Variants in CTNNA2 observed in about 807,000 individuals in gnomAD.
CTNNA2 encodes the protein catenin alpha-2.
A neutral mutation model predicts 101.0 loss-of-function variants in CTNNA2; 42 were observed. That is an observed-to-expected ratio of 0.42 (90% CI 0.32 to 0.54). The LOEUF is 0.54. CTNNA2 is among the 20% of genes least tolerant of loss of function. The pLI is 0.14. For synonymous variants in CTNNA2, 450 were observed against 456.4 expected (o/e 0.99, Z 0.18); for missense variants, 871 against 1,223.1 (o/e 0.71, Z 4.29).
chr2:79,433,069 G>C (rs1240538764), intron 4 of CTNNA2, among the ~76,000 whole-genome samples: 2 of 152,156 alleles, frequency 1.3e-5, no homozygotes, highest in South Asian at 2.1e-4. Context: ...TGGTGCGAGG[G>C]AAATGAAGCC....
chr2:79,416,262 T>C (rs1174166365), intron 4 of CTNNA2, among the ~76,000 whole-genome samples: 4 of 137,400 alleles, frequency 2.9e-5, no homozygotes, highest in Non-Finnish European at 3.1e-5. Context: ...CTTTTCTTTT[T>C]TTTTTTTTTT....
At chr2:80,136,552 A>G (rs572757446) in intron 7 of CTNNA2, among the ~76,000 whole-genome samples, 5 of 152,110 alleles carry the variant, frequency 3.3e-5, no homozygotes, top group South Asian at 4.2e-4. Flanking sequence ...CCTCACAACT[A>G]TAGTTCTTTT....
At chr2:79,671,235 A>G (rs1682815947) in intron 2 of CTNNA2, among the ~76,000 whole-genome samples, 1 of 150,596 alleles carries the variant, frequency 6.6e-6, no homozygotes, top group Non-Finnish European at 1.5e-5. Flanking sequence ...AAGAAATGCT[A>G]CAGTAAGCCA....
intron 7 of CTNNA2, among the ~76,000 whole-genome samples, chr2:80,131,183 A>G (rs1324088454): frequency 1.3e-5 from 2 of 152,186 alleles, no homozygotes; most frequent in East Asian, 3.9e-4. Flanking sequence ...CTCAGCCTCC[A>G]GAGTAGCCAG....
At chr2:79,680,233 T>A (rs1014823928) in intron 2 of CTNNA2, among the ~76,000 whole-genome samples, 1 of 152,108 alleles carries the variant, frequency 6.6e-6, no homozygotes, top group Non-Finnish European at 1.5e-5. Context: ...TCCCTTAGGA[T>A]ATCCCTCCTT....
chr2:80,318,659 A>C (rs909365230), intron 7 of CTNNA2, among the ~76,000 whole-genome samples: 1 of 152,144 alleles, frequency 6.6e-6, no homozygotes, highest in Non-Finnish European at 1.5e-5. Context: ...TAACTTATTT[A>C]TGTGGTGGGT....
At chr2:80,086,511 T>C (rs1011449823) in intron 7 of CTNNA2, among the ~76,000 whole-genome samples, 1 of 151,980 alleles carries the variant, frequency 6.6e-6, no homozygotes, top group African/African-American at 2.4e-5. Flanking sequence ...TTGTGATATG[T>C]GGAATCAAAA....
At chr2:79,253,611 G>T (rs769549613) in intron 2 of CTNNA2, among the ~76,000 whole-genome samples, 4 of 151,420 alleles carry the variant, frequency 2.6e-5, no homozygotes, top group Non-Finnish European at 5.9e-5. Flanking sequence ...GACATTGGTT[G>T]CCCAAGGGGC....
At chr2:79,722,517 G>T (rs1248621815) in intron 2 of CTNNA2, among the ~76,000 whole-genome samples, 1 of 152,098 alleles carries the variant, frequency 6.6e-6, no homozygotes, top group African/African-American at 2.4e-5. Context: ...GATCTCACAG[G>T]ATCTCTGATA....
chr2:79,474,236 T>C (rs1474981983), intron 4 of CTNNA2, among the ~76,000 whole-genome samples: 1 of 152,036 alleles, frequency 6.6e-6, no homozygotes, highest in Non-Finnish European at 1.5e-5. Context: ...GGGAAAAAAA[T>C]GGAAACAACC....
At chr2:80,356,028 G>A (rs1204697581) in intron 7 of CTNNA2, among the ~76,000 whole-genome samples, 1 of 151,688 alleles carries the variant, frequency 6.6e-6, no homozygotes, top group Non-Finnish European at 1.5e-5. Flanking sequence ...TTTATCCTTG[G>A]CAACTCTGTT....
chr2:79,718,357 A>C (rs2104847524), intron 2 of CTNNA2, among the ~76,000 whole-genome samples: 1 of 152,354 alleles, frequency 6.6e-6, no homozygotes, highest in South Asian at 2.1e-4. Flanking sequence ...TGCTTAGCAT[A>C]AAATTTGACA....
At chr2:79,962,881 G>C (rs1243042723) in intron 7 of CTNNA2, among the ~76,000 whole-genome samples, 1 of 151,916 alleles carries the variant, frequency 6.6e-6, no homozygotes. Context: ...ACCATCCTGG[G>C]TAACATGGTG....
intron 9 of CTNNA2, among the ~76,000 whole-genome samples, chr2:80,535,421 C>T (rs1017807730): frequency 1.3e-5 from 2 of 152,108 alleles, no homozygotes; most frequent in Non-Finnish European, 2.9e-5. Context: ...CAAGTCATTA[C>T]TGGGTGCTGG....
intron 4 of CTNNA2, among the ~76,000 whole-genome samples, chr2:79,380,592 T>G (rs892125315): frequency 6.6e-6 from 1 of 152,142 alleles, no homozygotes; most frequent in Non-Finnish European, 1.5e-5. Context: ...CATCGGAGAT[T>G]TTATTTTTCC....
chr2:80,393,558 A>G (rs74341698), intron 8 of CTNNA2, among the ~76,000 whole-genome samples: 2,735 of 152,266 alleles, frequency 0.018, 82 homozygotes, highest in African/African-American at 0.061. Context: ...TGAATTCACT[A>G]CTTCTACATC....
intron 7 of CTNNA2, among the ~76,000 whole-genome samples, chr2:80,265,792 G>T (rs1672961856): frequency 6.6e-6 from 1 of 152,210 alleles, no homozygotes; most frequent in Non-Finnish European, 1.5e-5. Context: ...ACTGAGAAGA[G>T]AAGAGAAGTG....
intron 7 of CTNNA2, among the ~76,000 whole-genome samples, chr2:80,224,937 C>G (rs749060258): frequency 5.5e-4 from 83 of 152,280 alleles, no homozygotes; most frequent in South Asian, 8.3e-4. Flanking sequence ...ACCTAACCCC[C>G]CTGCCCAGTT....
intron 2 of CTNNA2, among the ~76,000 whole-genome samples, chr2:79,703,946 A>G (rs1313893897): frequency 2.6e-5 from 2 of 76,282 alleles, no homozygotes; most frequent in African/African-American, 8.5e-5. Context: ...AAATCACTTT[A>G]AATTTATGTG....
Sources: gnomAD v4.1 joint callset for allele counts (sites outside exome capture counted in the v4.1 genomes callset) on GRCh38, gnomAD v4.1.1 for gene constraint, MANE v1.5 for transcripts, NCBI Gene and HGNC (gene_info 2026-07-23, HGNC 2026-07-21) for gene names.